ADGRA2: variants seen among roughly 807,000 people sequenced by gnomAD.
ADGRA2 encodes the protein adhesion G protein-coupled receptor A2.
ADGRA2 carries 61 observed loss-of-function variants against 98.7 expected under a neutral mutation model. The ratio of observed to expected loss-of-function variants is 0.62; its 90% CI spans 0.50 to 0.76. The LOEUF is 0.76. Among genes scored for constraint, ADGRA2 ranks in the 30% least tolerant of loss-of-function variants. The probability of loss-of-function intolerance (pLI) is 0.00; values close to 1 mark genes in which losing one functional copy is unlikely to be tolerated. For synonymous variants in ADGRA2, 858 were observed against 831.5 expected, an observed-to-expected ratio of 1.03 and a Z score of -0.55; for missense variants, 1,712 against 1,860.0, an observed-to-expected ratio of 0.92 and a Z score of 1.46.
Position 37,844,498 on chromosome 8 carries a change from G to T in ADGRA2, c.*2143G>T. On this transcript the variant is annotated 3_prime_UTR_variant, in exon 19 of 19. Coordinates refer to ENST00000412232, the MANE Select transcript of ADGRA2 (RefSeq NM_032777.10). ...CTCCCAGTGGATATCCATCAGGGAG[G>T]GTTAGGGACACTCGTGGCAGCCTGT... 6.2e-7 allele frequency: 1 copy of T among 1,612,750 alleles called. No individual in the cohort carries two copies. Among genetic ancestry groups the T allele is most frequent in the Non-Finnish European group, 8.5e-7 (1 of 1,179,848 alleles).
intron 13 of ADGRA2, among the ~76,000 whole-genome samples, 174 bp downstream of exon 13, chr8:37,835,944 G>C (rs954785333): frequency 2.0e-5 from 3 of 151,972 alleles, no homozygotes; most frequent in African/African-American, 7.3e-5. Flanking sequence ...ACCCCATAAA[G>C]AAAGGGTCTG....
intron 1 of ADGRA2, among the ~76,000 whole-genome samples, chr8:37,805,608 G>A (rs1275476407): frequency 2.0e-5 from 3 of 151,794 alleles, no homozygotes; most frequent in Admixed American, 1.3e-4. Context: ...GGTGGCTCAC[G>A]CCTGTAATTC....
At chr8:37,838,850 C>A in intron 14 of ADGRA2, 106 bp from the exon 15 acceptor site, 1 of 1,370,830 alleles carries the variant, frequency 7.3e-7, no homozygotes, top group African/African-American at 1.5e-5. Flanking sequence ...GAACTAAGCA[C>A]CAAAGTGCAG....
At chr8:37,803,156 A>G (rs1804557490) in intron 1 of ADGRA2, among the ~76,000 whole-genome samples, 1 of 152,172 alleles carries the variant, frequency 6.6e-6, no homozygotes, top group African/African-American at 2.4e-5. Flanking sequence ...AAAGAAAGAG[A>G]GTGTTTCTAA....
intron 1 of ADGRA2, among the ~76,000 whole-genome samples, chr8:37,805,201 C>T (rs936511468): frequency 6.6e-6 from 1 of 152,228 alleles, no homozygotes; most frequent in Non-Finnish European, 1.5e-5. Flanking sequence ...CCCCTCCATC[C>T]TGGAGCTCTG....
chr8:37,801,978 C>G (rs959598703), intron 1 of ADGRA2, among the ~76,000 whole-genome samples: 4 of 152,232 alleles, frequency 2.6e-5, no homozygotes, highest in East Asian at 1.9e-4. Flanking sequence ...AACCCTCAAC[C>G]TGCTCGGCCT....
In ADGRA2 at chr8:37,802,680, C is replaced by T. The variant is rs544450946; in HGVS notation, c.266+5146C>T. ...ACCACCCACTGGAGAAGCTGGAGGT[C>T]GCTAGCTCAGGATACAGGAATTCCA... On this transcript the variant is annotated intron_variant, in intron 1 of 18. Transcript: ENST00000412232. The surrounding 1 kb of genome is among the most constrained non-coding windows in gnomAD (Gnocchi z 4.7). Among the ~76,000 whole-genome samples, 1 of 152,142 alleles carries T rather than the reference C, an allele frequency of 6.6e-6. No homozygotes were observed. The highest frequency in any genetic ancestry group is 2.4e-5 in the African/African-American group (1 of 41,414).
chr8:37,829,179 T>G lies in ADGRA2; in HGVS notation c.411-82T>G, dbSNP rs930250929. On this transcript the variant is annotated intron_variant, in intron 3 of 18. Transcript: ENST00000412232. ...TCATCCCACCCCCCAACACAAGCCC[T>G]GGCCCCACCCATGTGTTCCTCACAA... The G allele has an allele frequency of 2.4e-5, 25 of 1,023,058 alleles. No individual in the cohort carries two copies. In the Admixed American group the frequency reaches 3.1e-4, roughly 13 times the overall value. 63.4% of individuals were successfully genotyped at this position (1,023,058 alleles called of 1,614,324 possible). A position where few individuals can be genotyped will look rare whatever the true frequency, so the allele number is the denominator to read the frequency against.
Position 37,814,969 on chromosome 8 carries a change from T to G in ADGRA2, c.338+2T>G. 1 of 1,606,370 alleles carries G rather than the reference T, an allele frequency of 6.2e-7. No homozygotes were observed. The highest frequency in any genetic ancestry group is 8.5e-7 in the Non-Finnish European group (1 of 1,173,058). On this transcript the variant is annotated splice_donor_variant, in intron 2 of 18. Coordinates refer to ENST00000412232, the MANE Select transcript of ADGRA2 (RefSeq NM_032777.10). LOFTEE classifies it high-confidence loss of function. The surrounding 1 kb of genome is among the most constrained non-coding windows in gnomAD (Gnocchi z 4.3). ...GGGACTGTCACTGCTGGAGAAGCTGTAAGTGCTGGGGAAGGTGAGGTGGAG... is the reference window on the plus strand; with the variant it reads ...GGGACTGTCACTGCTGGAGAAGCTGGAAGTGCTGGGGAAGGTGAGGTGGAG...
rs117338878 is a variant in ADGRA2, at chr8:37,815,023, C to T, written c.338+56C>T. The T allele has an allele frequency of 1.8e-3, 2,164 of 1,209,240 alleles. 49 individuals carry two copies. The East Asian group carries it at 0.035, about 20-fold the overall frequency. The allele number at this position is 1,209,240 out of a possible 1,614,324, so 74.9% of individuals were successfully genotyped here. ...GGGGGTGGCCGTGATGGCAAGAGGT[C>T]ACCCCGGGGAGGAGGAGGAACGCTG... On this transcript the variant is annotated intron_variant, in intron 2 of 18. Transcript: ENST00000412232.
At position 37,797,100 on chromosome 8, in the gene ADGRA2, C is replaced by A. The variant is rs1365276908; in HGVS notation, c.-169C>A. The A allele has an allele frequency of 9.4e-6, 3 of 317,770 alleles. No individual in the cohort carries two copies. The highest frequency in any genetic ancestry group is 5.5e-5 in the Admixed American group (1 of 18,252). The allele number at this position is 317,770 out of a possible 1,614,324, so 19.7% of individuals were successfully genotyped here. ...CCGCCGGGGCGCTCGCAGGACATGC[C>A]CCCGGGGCGCGGCGGCGGGGACCCC... On this transcript the variant is annotated 5_prime_UTR_variant, in exon 1 of 19. Coordinates refer to ENST00000412232, the MANE Select transcript of ADGRA2 (RefSeq NM_032777.10). The surrounding 1 kb of genome is among the most constrained non-coding windows in gnomAD (Gnocchi z 5.3).
intron 16 of ADGRA2, 64 bp from the exon 17 acceptor site, chr8:37,840,057 T>G: frequency 6.9e-7 from 1 of 1,443,514 alleles, no homozygotes; most frequent in South Asian, 1.3e-5. Context: ...CCAGCAGGAC[T>G]GAAGCTCTGG....
chr8:37,803,552 C>T (rs927893187), intron 1 of ADGRA2, among the ~76,000 whole-genome samples: 15 of 152,222 alleles, frequency 9.9e-5, no homozygotes, highest in African/African-American at 2.9e-4. Context: ...ACTGACAGGA[C>T]GAAGCTGCCT....
chr8:37,809,355 C>T (rs1804763226), intron 1 of ADGRA2, among the ~76,000 whole-genome samples: 1 of 151,944 alleles, frequency 6.6e-6, no homozygotes, highest in Admixed American at 6.6e-5. Flanking sequence ...GCCTGCCCTC[C>T]TCTCCCCAGA....
intron 2 of ADGRA2, among the ~76,000 whole-genome samples, chr8:37,822,418 C>CAG (rs1330099159): frequency 0.027 from 3,981 of 146,558 alleles, 189 homozygotes; most frequent in African/African-American, 0.098. Flanking sequence ...CAGTCACATG[C>CAG]TCTTTAACTC....
At position 37,830,932 on chromosome 8, in the gene ADGRA2, C is replaced by A. The variant is rs369799948; in HGVS notation, c.932+9C>A. On this transcript the variant is annotated intron_variant, in intron 7 of 18. Transcript: ENST00000412232. This position sits in a 1 kb window ranked among gnomAD's most constrained non-coding sequence, Gnocchi z 4.8. Reference sequence around the variant, plus strand: ...TGCACCTTCATCACCAGGTATGAGCCCCGCTGCCCCTCCTCAGGCCTCAGC... The same window carrying A: ...TGCACCTTCATCACCAGGTATGAGCACCGCTGCCCCTCCTCAGGCCTCAGC... The A allele has an allele frequency of 1.3e-4, 199 of 1,555,802 alleles. No individual in the cohort carries two copies. Among genetic ancestry groups the A allele is most frequent in the Non-Finnish European group, 1.6e-4 (187 of 1,148,684 alleles).
intron 5 of ADGRA2, 110 bp from the exon 6 acceptor site, chr8:37,829,741 G>T: frequency 4.3e-6 from 5 of 1,157,090 alleles, no homozygotes; most frequent in East Asian, 4.7e-5. Flanking sequence ...ACATAGACCC[G>T]ATTTTGCCCC....
In ADGRA2 at chr8:37,835,321, C is replaced by A; in HGVS notation, c.1756C>A (p.Pro586Thr). The change falls in exon 12 of 19, where the codon CCC becomes ACC. Residue 586 changes from proline (P) to threonine (T), a missense_variant. Pro to Thr is a conservative substitution (Grantham distance 38, BLOSUM62 -1). Coordinates refer to ENST00000412232, the MANE Select transcript of ADGRA2 (RefSeq NM_032777.10). Reference sequence around the variant, plus strand: ...CCAGAACCCCCCACCTGAGCCCGAGCCCCCAGCTGACCAGCAGCTCCGCTT... The same window carrying A: ...CCAGAACCCCCCACCTGAGCCCGAGACCCCAGCTGACCAGCAGCTCCGCTT... ...PGQNPPPEPE[P>T]PADQQLRFRC... 6.2e-7 allele frequency: 1 copy of A among 1,613,562 alleles called. No homozygotes were observed. Among genetic ancestry groups the A allele is most frequent in the Non-Finnish European group, 8.5e-7 (1 of 1,179,926 alleles).
chr8:37,804,017 C>T (rs540844813), intron 1 of ADGRA2, among the ~76,000 whole-genome samples: 2 of 151,810 alleles, frequency 1.3e-5, no homozygotes, highest in South Asian at 4.2e-4. Context: ...GGAGACTCAG[C>T]ATCCAGGATG....
Sources: gnomAD v4.1 joint callset for allele counts (sites outside exome capture counted in the v4.1 genomes callset) on GRCh38, gnomAD v4.1.1 for gene constraint, Gnocchi (gnomAD v3.1) non-coding constraint, MANE v1.5 for transcripts, NCBI Gene and HGNC (gene_info 2026-07-23, HGNC 2026-07-21) for gene names.